Variants in ARMC2 observed in about 807,000 individuals in gnomAD.
ARMC2 encodes armadillo repeat containing 2.
In ARMC2, 67 loss-of-function variants were observed where a neutral mutation model predicts 90.3. That is an observed-to-expected ratio of 0.74 (90% confidence interval 0.61 to 0.91). The LOEUF is 0.91. Among genes scored for constraint, ARMC2 ranks in the 40% least tolerant of loss-of-function variants. The pLI, the probability that ARMC2 is intolerant of heterozygous loss-of-function variation, is 0.00. For missense variants in ARMC2, 920 were observed against 1,030.9 expected (o/e 0.89, Z 1.47); for synonymous variants, 393 against 393.0 (o/e 1.00, Z 0.00).
At chr6:108,958,102 G>A (rs1252942532) in intron 13 of ARMC2, among the ~76,000 whole-genome samples, 3 of 152,158 alleles carry the variant, frequency 2.0e-5, no homozygotes, top group African/African-American at 7.2e-5. Flanking sequence ...GGTATTTGGA[G>A]ATGGGGCCTT....
the ARMC2 span, among the ~76,000 whole-genome samples, chr6:109,013,588 C>T: frequency 6.6e-6 from 1 of 152,214 alleles, no homozygotes; most frequent in East Asian, 1.9e-4. Context: ...AAGGCATAAT[C>T]ATACTTTTAT....
intron 11 of ARMC2, among the ~76,000 whole-genome samples, chr6:108,929,609 A>G (rs539350558): frequency 6.6e-6 from 1 of 152,226 alleles, no homozygotes; most frequent in South Asian, 2.1e-4. Flanking sequence ...CCTCCCTAGC[A>G]GCTGGGACCA....
chr6:109,004,754 A>C, the ARMC2 span, among the ~76,000 whole-genome samples: 1 of 148,642 alleles, frequency 6.7e-6, no homozygotes, highest in Non-Finnish European at 1.5e-5. Context: ...AAAATGAGCA[A>C]ACAACACAGT....
intron 5 of ARMC2, among the ~76,000 whole-genome samples, chr6:108,891,925 T>C (rs1386982379): frequency 6.6e-6 from 1 of 152,224 alleles, no homozygotes; most frequent in Non-Finnish European, 1.5e-5. Flanking sequence ...ATTAGTTCTG[T>C]GCTCTGCTTG....
Position 108,906,318 on chromosome 6 carries a change from A to G in ARMC2, c.1023+1913A>G, listed in dbSNP as rs117758677. ...GGGTAAAAAAAGAAAAGAAATACCAATTACCAACTGTGATGCTATATAGTG... is the reference window on the plus strand; with the variant it reads ...GGGTAAAAAAAGAAAAGAAATACCAGTTACCAACTGTGATGCTATATAGTG... On this transcript the variant is annotated intron_variant, in intron 8 of 17. Transcript: ENST00000392644. Among the ~76,000 whole-genome samples the G allele has an allele frequency of 2.5e-4, 38 of 152,256 alleles. No homozygotes were observed. In the East Asian group the frequency reaches 4.8e-3, roughly 19 times the overall value.
the ARMC2 span, among the ~76,000 whole-genome samples, chr6:109,007,887 C>T: frequency 6.6e-6 from 1 of 150,744 alleles, no homozygotes; most frequent in South Asian, 2.1e-4. Flanking sequence ...ATATTTGTGC[C>T]CTATACTTTG....
chr6:108,918,338 T>C (rs1383484364), intron 10 of ARMC2, among the ~76,000 whole-genome samples: 1 of 151,862 alleles, frequency 6.6e-6, no homozygotes, highest in Non-Finnish European at 1.5e-5. Flanking sequence ...ATCCCACCAC[T>C]TTGTTTGGAG....
intron 5 of ARMC2, among the ~76,000 whole-genome samples, chr6:108,893,079 A>G (rs1328294848): frequency 6.6e-6 from 1 of 152,206 alleles, no homozygotes; most frequent in Non-Finnish European, 1.5e-5. Flanking sequence ...CATATTTAAA[A>G]GTAAGTACTT....
At chr6:109,026,549 T>C in the ARMC2 span, among the ~76,000 whole-genome samples, 7 of 151,976 alleles carry the variant, frequency 4.6e-5, no homozygotes, top group African/African-American at 1.7e-4. Flanking sequence ...CAGGCTGGAG[T>C]GCAGTGGCGC....
intron 4 of ARMC2, among the ~76,000 whole-genome samples, chr6:108,870,540 G>A (rs1016653723): frequency 4.0e-5 from 6 of 149,374 alleles, no homozygotes; most frequent in Non-Finnish European, 7.4e-5. Context: ...AGGAAGGTAG[G>A]AAGGAAGGAA....
At chr6:108,885,787 C>A (rs891963037) in intron 5 of ARMC2, among the ~76,000 whole-genome samples, 2 of 152,202 alleles carry the variant, frequency 1.3e-5, no homozygotes, top group Non-Finnish European at 2.9e-5. Flanking sequence ...ATTGTCCACC[C>A]CTCTGTTGGC....
intron 1 of ARMC2, among the ~76,000 whole-genome samples, chr6:108,852,661 C>A (rs1181187197): frequency 2.0e-5 from 3 of 152,170 alleles, no homozygotes; most frequent in Non-Finnish European, 4.4e-5. Flanking sequence ...AGAACTTTCT[C>A]TAATCTTTAT....
intron 3 of ARMC2, among the ~76,000 whole-genome samples, chr6:108,859,481 T>C (rs1361956495): frequency 6.6e-6 from 1 of 152,190 alleles, no homozygotes; most frequent in East Asian, 1.9e-4. Flanking sequence ...TTTTCTTCTC[T>C]GGAAGTTTGT....
chr6:108,876,171 A>C lies in ARMC2; in HGVS notation c.492A>C (p.Thr164=), dbSNP rs1418595356. The change falls in exon 5 of 18, where the codon ACA becomes ACC. Residue 164 remains threonine (T), a synonymous_variant. Coordinates refer to ENST00000392644, the MANE Select transcript of ARMC2 (RefSeq NM_032131.6). ...DSKKTVESKE[T]VMMGDSMVKI... is the part of the protein sequence containing the mutation. ...AGAAGACAGTGGAATCCAAAGAAAC[A>C]GTTATGATGGGGGACTCTATGGTGA... 6.2e-7 allele frequency: 1 copy of C among 1,610,056 alleles called. No homozygotes were observed. The highest frequency in any genetic ancestry group is 1.3e-5 in the African/African-American group (1 of 74,772).
At chr6:108,944,423 G>A (rs1463624338) in intron 12 of ARMC2, among the ~76,000 whole-genome samples, 1 of 152,114 alleles carries the variant, frequency 6.6e-6, no homozygotes, top group Admixed American at 6.5e-5. Context: ...TTTGAAAAAG[G>A]TGCTCATCAC....
the ARMC2 span, among the ~76,000 whole-genome samples, chr6:108,984,624 T>C: frequency 6.6e-6 from 1 of 152,356 alleles, no homozygotes; most frequent in South Asian, 2.1e-4. Flanking sequence ...AGCCATCACA[T>C]ATCCCCTTGG....
At chr6:108,961,966 G>A (rs1265749351) in intron 14 of ARMC2, 48 bp from the exon 15 acceptor site, 1 of 1,361,682 alleles carries the variant, frequency 7.3e-7, no homozygotes, top group Non-Finnish European at 1.0e-6. Flanking sequence ...TAACCTTTAA[G>A]TTAAAACTTA....
chr6:108,984,021 G>A, the ARMC2 span, among the ~76,000 whole-genome samples: 5 of 152,322 alleles, frequency 3.3e-5, no homozygotes, highest in African/African-American at 1.2e-4. Context: ...CTGATCAGCT[G>A]CAGCACTGGA....
At chr6:108,984,798 C>G in the ARMC2 span, among the ~76,000 whole-genome samples, 2 of 152,182 alleles carry the variant, frequency 1.3e-5, no homozygotes, top group Non-Finnish European at 1.5e-5. Context: ...CTTGATCACA[C>G]CATCCTCTGC....
Sources: allele counts gnomAD v4.1 joint callset (sites outside exome capture counted in the v4.1 genomes callset), GRCh38; gene constraint gnomAD v4.1.1; transcripts MANE v1.5; gene names NCBI Gene and HGNC (gene_info 2026-07-23, HGNC 2026-07-21).